Variants in CREB5 observed in about 807,000 individuals in gnomAD.
The protein encoded by CREB5 is cAMP responsive element binding protein 5.
CREB5 carries 19 observed loss-of-function variants against 57.1 expected under a neutral mutation model. The observed-to-expected ratio is 0.33, with a 90% CI of 0.23 to 0.49. The LOEUF is 0.49. Among genes scored for constraint, CREB5 ranks in the 20% least tolerant of loss-of-function variants. CREB5 has a pLI of 0.99. For missense variants in CREB5, 579 were observed against 671.6 expected (o/e 0.86, Z 1.52); for synonymous variants, 238 against 238.3 (o/e 1.00, Z 0.01).
intron 4 of CREB5, among the ~76,000 whole-genome samples, chr7:28,528,929 T>C (rs764289748): frequency 1.2e-4 from 19 of 152,144 alleles, no homozygotes; most frequent in Non-Finnish European, 5.9e-5. Flanking sequence ...CCTTGTTGCT[T>C]TAAGGCTGGA....
rs529690933 is a variant in CREB5, at chr7:28,647,361, T to C, written c.465-71392T>C. Among the ~76,000 whole-genome samples, 7 of 152,078 alleles carry C rather than the reference T, an allele frequency of 4.6e-5. No individual in the cohort carries two copies. In the South Asian group the frequency reaches 1.5e-3, roughly 32 times the overall value. On this transcript the variant is annotated intron_variant, in intron 5 of 10. Transcript: ENST00000357727. Reference sequence around the variant, plus strand: ...CATTGTGTGCTCTGCTAAGACCTTATTCAACAGAAATTCCCCCCAAAAGAG... The same window carrying C: ...CATTGTGTGCTCTGCTAAGACCTTACTCAACAGAAATTCCCCCCAAAAGAG...
chr7:28,363,526 T>A (rs1387404384), intron 1 of CREB5, among the ~76,000 whole-genome samples: 1 of 152,050 alleles, frequency 6.6e-6, no homozygotes, highest in East Asian at 1.9e-4. Flanking sequence ...CCTGATCTTC[T>A]AATTAGCTTT....
Position 28,641,288 on chromosome 7 carries a change from C to G in CREB5, c.464+70751C>G, listed in dbSNP as rs923639776. Among the ~76,000 whole-genome samples the G allele has an allele frequency of 3.3e-5, 5 of 152,234 alleles. No homozygotes were observed. The East Asian group carries it at 5.8e-4, about 18-fold the overall frequency. Reference sequence around the variant, plus strand: ...CAGGGTCATGACAAGGACCACCCCCCCATCGGGTGATGGCTGAAGGGACTG... The same window carrying G: ...CAGGGTCATGACAAGGACCACCCCCGCATCGGGTGATGGCTGAAGGGACTG... On this transcript the variant is annotated intron_variant, in intron 5 of 10. Coordinates refer to ENST00000357727, the MANE Select transcript of CREB5 (RefSeq NM_182898.4).
chr7:28,448,753 T>C (rs1789630670), intron 1 of CREB5, among the ~76,000 whole-genome samples: 1 of 152,144 alleles, frequency 6.6e-6, no homozygotes, highest in Non-Finnish European at 1.5e-5. Flanking sequence ...GGTTTTCAGG[T>C]TTTCAGTGTA....
At chr7:28,357,429 A>G (rs1443213927) in intron 1 of CREB5, among the ~76,000 whole-genome samples, 1 of 152,240 alleles carries the variant, frequency 6.6e-6, no homozygotes, top group Non-Finnish European at 1.5e-5. Context: ...AGGGAGGTAT[A>G]GTAAATTTGG....
At chr7:28,785,364 T>C (rs1345211399) in intron 7 of CREB5, among the ~76,000 whole-genome samples, 9 of 152,374 alleles carry the variant, frequency 5.9e-5, no homozygotes, top group African/African-American at 1.7e-4. Flanking sequence ...AGATGTAGGT[T>C]GCGTGAATGC....
At chr7:28,408,766 T>G (rs1247190606), upstream of CREB5, among the ~76,000 whole-genome samples, 1 of 151,960 alleles carries the variant, frequency 6.6e-6, no homozygotes, top group African/African-American at 2.4e-5. Flanking sequence ...GGAGGTGAGA[T>G]GAGGGGGCGG....
chr7:28,489,690 T>C (rs1053789232), intron 2 of CREB5, among the ~76,000 whole-genome samples: 5 of 152,208 alleles, frequency 3.3e-5, no homozygotes, highest in African/African-American at 1.2e-4. Flanking sequence ...AAGACATTGT[T>C]GCTGGTGTTA....
chr7:28,410,665 G>T (rs781171286), upstream of CREB5: 8 of 416,212 alleles, frequency 1.9e-5, no homozygotes, highest in Non-Finnish European at 3.4e-5. Flanking sequence ...TGTATATTTC[G>T]TTGTCAGTCT....
chr7:28,311,664 A>G (rs920225642), intron 1 of CREB5, among the ~76,000 whole-genome samples: 1 of 152,176 alleles, frequency 6.6e-6, no homozygotes, highest in African/African-American at 2.4e-5. Context: ...ACATTCCTTT[A>G]GAAAACAGGG....
intron 5 of CREB5, among the ~76,000 whole-genome samples, chr7:28,678,040 TC>T (rs1265644530): frequency 6.6e-6 from 1 of 152,238 alleles, no homozygotes; most frequent in African/African-American, 2.4e-5. Context: ...ATCTTTTTAC[TC>T]CTAAATCTAT....
At chr7:28,303,434 A>G (rs879933614) in intron 1 of CREB5, among the ~76,000 whole-genome samples, 1 of 152,266 alleles carries the variant, frequency 6.6e-6, no homozygotes, top group Non-Finnish European at 1.5e-5. Flanking sequence ...CAATAAATCA[A>G]GAGGGGGAAA....
At chr7:28,321,658 T>A (rs1332069696) in intron 1 of CREB5, among the ~76,000 whole-genome samples, 1 of 151,992 alleles carries the variant, frequency 6.6e-6, no homozygotes, top group African/African-American at 2.4e-5. Context: ...CAGGAGAGGG[T>A]TGGCAGAGAA....
intron 7 of CREB5, among the ~76,000 whole-genome samples, chr7:28,732,114 C>T (rs912255109): frequency 1.6e-4 from 24 of 152,030 alleles, no homozygotes; most frequent in South Asian, 4.2e-4. Flanking sequence ...GGTTTTGAAA[C>T]GCCCCTTTCC....
At chr7:28,552,119 G>A (rs1330224448) in intron 4 of CREB5, among the ~76,000 whole-genome samples, 1 of 150,724 alleles carries the variant, frequency 6.6e-6, no homozygotes, top group Non-Finnish European at 1.5e-5. Context: ...TCAGCTCACT[G>A]CAACCTCTGC....
intron 1 of CREB5, among the ~76,000 whole-genome samples, chr7:28,486,957 A>G (rs749588633): frequency 8.7e-4 from 132 of 152,006 alleles, no homozygotes; most frequent in Middle Eastern, 6.8e-3. Flanking sequence ...TTAAAAACAA[A>G]ACAAAACAAA....
chr7:28,320,575 C>G (rs1029927158), intron 1 of CREB5, among the ~76,000 whole-genome samples: 8 of 152,148 alleles, frequency 5.3e-5, no homozygotes, highest in South Asian at 2.1e-4. Flanking sequence ...TTCTGGAATA[C>G]AGGAAATATG....
chr7:28,804,568 A>T, intron 8 of CREB5, 46 bp downstream of exon 8: 1 of 1,593,804 alleles, frequency 6.3e-7, no homozygotes, highest in Non-Finnish European at 8.6e-7. Context: ...TCTCCTTCTT[A>T]ACAGTGCAAG....
chr7:28,804,154 G>T, intron 7 of CREB5, 45 bp from the exon 8 acceptor site: 2 of 1,571,138 alleles, frequency 1.3e-6, no homozygotes, highest in South Asian at 1.1e-5. Flanking sequence ...TCATGTACAT[G>T]ACTGACTTCA....
Sources: gnomAD v4.1 joint callset for allele counts (sites outside exome capture counted in the v4.1 genomes callset) on GRCh38, gnomAD v4.1.1 for gene constraint, MANE v1.5 for transcripts, NCBI Gene and HGNC (gene_info 2026-07-23, HGNC 2026-07-21) for gene names.